TTBK2: variants seen among roughly 807,000 people sequenced by gnomAD.
The protein encoded by TTBK2 is tau-tubulin kinase 2.
TTBK2 carries 28 observed loss-of-function variants against 110.8 expected under a neutral mutation model. That is an observed-to-expected ratio of 0.25 (90% CI 0.19 to 0.35). The LOEUF is 0.35. Among genes scored for constraint, TTBK2 ranks in the 10% least tolerant of loss-of-function variants. TTBK2 has a pLI of 1.00. For missense variants in TTBK2, 1,369 were observed against 1,500.3 expected (o/e 0.91, Z 1.45); for synonymous variants, 532 against 527.3 (o/e 1.01, Z -0.12).
chr15:42,913,743 A>G (rs2141217340), intron 1 of TTBK2, among the ~76,000 whole-genome samples: 1 of 152,324 alleles, frequency 6.6e-6, no homozygotes, highest in East Asian at 1.9e-4. Flanking sequence ...CCATACTAGC[A>G]ACACATAAAC....
In TTBK2 at chr15:42,842,833, G is replaced by T. The variant is rs16957217; in HGVS notation, c.218-2400C>A. Among the ~76,000 whole-genome samples, 684 of 152,092 alleles carry T rather than the reference G, an allele frequency of 4.5e-3. 8 individuals are homozygous for T. Among genetic ancestry groups the T allele is most frequent in the African/African-American group, 0.016 (658 of 41,474 alleles). The stretch of plus-strand genomic sequence containing the variant: ...AAAGGGGGTATAAGCTAGCAAGAAT[G>T]GGTGCAATGGAGAACACAATAATTC... On this transcript the variant is annotated intron_variant, in intron 3 of 14. Coordinates refer to ENST00000267890, the MANE Select transcript of TTBK2 (RefSeq NM_173500.4).
chr15:42,896,627 A>G (rs905435943), intron 1 of TTBK2, among the ~76,000 whole-genome samples: 2 of 151,956 alleles, frequency 1.3e-5, no homozygotes, highest in Non-Finnish European at 2.9e-5. Context: ...TTTCTACAAA[A>G]GATTAAAATA....
At chr15:42,767,448 G>T (rs1200922179) in intron 13 of TTBK2, among the ~76,000 whole-genome samples, 1 of 152,156 alleles carries the variant, frequency 6.6e-6, no homozygotes, top group Non-Finnish European at 1.5e-5. Flanking sequence ...CCATCCAACA[G>T]AAATACAAAC....
At chr15:42,799,600 A>AT (rs1285288496) in intron 9 of TTBK2, among the ~76,000 whole-genome samples, 1 of 151,736 alleles carries the variant, frequency 6.6e-6, no homozygotes, top group African/African-American at 2.4e-5. Flanking sequence ...GCCCAGCTAA[A>AT]TTTTTTTGTA....
intron 3 of TTBK2, among the ~76,000 whole-genome samples, chr15:42,861,830 A>G (rs1191577250): frequency 6.6e-6 from 1 of 152,190 alleles, no homozygotes; most frequent in Non-Finnish European, 1.5e-5. Flanking sequence ...AATAAACAAG[A>G]TTGACAGCAC....
chr15:42,833,935 C>T (rs561324663), intron 4 of TTBK2, among the ~76,000 whole-genome samples: 2 of 152,048 alleles, frequency 1.3e-5, no homozygotes, highest in African/African-American at 2.4e-5. Context: ...CACTTAAACC[C>T]GGGAGGTGGA....
chr15:42,768,141 A>C (rs1015942330), intron 13 of TTBK2, among the ~76,000 whole-genome samples: 1 of 152,144 alleles, frequency 6.6e-6, no homozygotes, highest in Non-Finnish European at 1.5e-5. Context: ...TTATGACAAA[A>C]CCACAGCCAA....
chr15:42,896,964 C>T (rs1895691462), intron 1 of TTBK2, among the ~76,000 whole-genome samples: 1 of 151,822 alleles, frequency 6.6e-6, no homozygotes, highest in South Asian at 2.1e-4. Flanking sequence ...CTGCAACCTC[C>T]ACCTCCCGAG....
rs527323985 is a variant in TTBK2 at position 42,865,782 on chromosome 15, C to T, written c.217+6829G>A. ...AAGCTGCAGTTAGCTATGATCACAC[C>T]GCTGTACTCTAGCCTGGGTGACAGA... On this transcript the variant is annotated intron_variant, in intron 3 of 14. Coordinates refer to ENST00000267890, the MANE Select transcript of TTBK2 (RefSeq NM_173500.4). Among the ~76,000 whole-genome samples, 15 of 151,904 alleles carry T rather than the reference C, an allele frequency of 9.9e-5. No homozygotes were observed. In the South Asian group the frequency reaches 2.3e-3, roughly 23 times the overall value.
intron 1 of TTBK2, among the ~76,000 whole-genome samples, chr15:42,891,070 A>G (rs1895437023): frequency 6.7e-6 from 1 of 150,192 alleles, no homozygotes; most frequent in Admixed American, 6.7e-5. Context: ...GGGGGGTTTT[A>G]CCATGTTTGG....
intron 2 of TTBK2, among the ~76,000 whole-genome samples, chr15:42,873,889 A>C (rs1451913524): frequency 6.6e-6 from 1 of 152,228 alleles, no homozygotes; most frequent in Non-Finnish European, 1.5e-5. Flanking sequence ...GTCCTAAATC[A>C]TAACCAGCTC....
chr15:42,746,213 T>A lies in TTBK2; in HGVS notation c.3317A>T (p.Asp1106Val). The change falls in exon 15 of 15, where the codon GAC becomes GTC. Residue 1106 changes from aspartate to valine, a missense_variant. Physicochemically the swap from Asp to Val is radical, Grantham distance 152. Transcript: ENST00000267890. ...KVLGSSNSDS[D>V]LFSRLAQILQ... ...AATTTGGGCCAGGCGGGAGAAAAGG[T>A]CTGAGTCGGAGTTACTACTCCCTAG... 1 of 1,614,096 alleles carries A rather than the reference T, an allele frequency of 6.2e-7. No homozygotes were observed. Among genetic ancestry groups the A allele is most frequent in the Non-Finnish European group, 8.5e-7 (1 of 1,180,008 alleles).
chr15:42,783,668 T>C (rs750030952), intron 10 of TTBK2, 33 bp from the exon 11 acceptor site: 1 of 1,511,922 alleles, frequency 6.6e-7, no homozygotes, highest in South Asian at 1.1e-5. Context: ...AAGGCAAGAA[T>C]CAAAAATTAC....
At chr15:42,803,114 C>A (rs537856274) in intron 9 of TTBK2, among the ~76,000 whole-genome samples, 11 of 152,278 alleles carry the variant, frequency 7.2e-5, no homozygotes, top group Admixed American at 5.9e-4. Flanking sequence ...ATATATATAT[C>A]TCTATTCCAT....
intron 1 of TTBK2, among the ~76,000 whole-genome samples, chr15:42,892,992 C>T (rs1218979542): frequency 8.4e-6 from 1 of 119,132 alleles, no homozygotes; most frequent in Admixed American, 1.0e-4. Flanking sequence ...GCCTGGGTGA[C>T]AGAGCAAGAC....
chr15:42,848,619 T>TTTAC (rs1252653390), intron 3 of TTBK2, among the ~76,000 whole-genome samples: 2 of 152,254 alleles, frequency 1.3e-5, no homozygotes, highest in East Asian at 3.9e-4. Context: ...GCCTCCCAGG[T>TTTAC]AGCTGGGATT....
At chr15:42,873,051 T>C (rs994327773) in intron 2 of TTBK2, among the ~76,000 whole-genome samples, 2 of 152,200 alleles carry the variant, frequency 1.3e-5, no homozygotes, top group African/African-American at 4.8e-5. Flanking sequence ...AACAATACAG[T>C]ATTTGAAAGA....
chr15:42,816,675 C>T (rs1307530786), intron 7 of TTBK2, among the ~76,000 whole-genome samples: 2 of 151,972 alleles, frequency 1.3e-5, no homozygotes, highest in African/African-American at 4.8e-5. Context: ...GTCAATCTCA[C>T]CTTGGGAGGC....
chr15:42,852,072 CTTT>C (rs879407104), intron 3 of TTBK2, among the ~76,000 whole-genome samples: 4 of 141,782 alleles, frequency 2.8e-5, no homozygotes, highest in Non-Finnish European at 4.7e-5. Flanking sequence ...ATATTACCAA[CTTT>C]TTTTTTTTTT....
Sources: gnomAD v4.1 joint callset for allele counts (sites outside exome capture counted in the v4.1 genomes callset) on GRCh38, gnomAD v4.1.1 for gene constraint, MANE v1.5 for transcripts, NCBI Gene and HGNC (gene_info 2026-07-23, HGNC 2026-07-21) for gene names.